Variants in KCNH8 observed in about 807,000 individuals in gnomAD.
KCNH8 encodes the protein voltage-gated delayed rectifier potassium channel KCNH8.
In KCNH8, 70 loss-of-function variants were observed where a neutral mutation model predicts 103.6. The ratio of observed to expected loss-of-function variants is 0.68; its 90% CI spans 0.56 to 0.82. The LOEUF is 0.82. Ranked by LOEUF, KCNH8 falls within the 40% of genes least tolerant of loss-of-function variation. The pLI is 0.00. For missense variants in KCNH8, 1,217 were observed against 1,329.9 expected, an observed-to-expected ratio of 0.92 and a Z score of 1.32; for synonymous variants, 498 against 489.4, an observed-to-expected ratio of 1.02 and a Z score of -0.23.
chr3:19,271,827 C>T (rs2064592616), intron 2 of KCNH8, among the ~76,000 whole-genome samples: 1 of 152,120 alleles, frequency 6.6e-6, no homozygotes, highest in African/African-American at 2.4e-5. Flanking sequence ...CATGCAACGC[C>T]ATCTAAATCC....
At chr3:19,412,663 T>G (rs1023737251) in intron 7 of KCNH8, among the ~76,000 whole-genome samples, 1 of 151,836 alleles carries the variant, frequency 6.6e-6, no homozygotes, top group Admixed American at 6.6e-5. Flanking sequence ...GTCGAAGATA[T>G]GTAAGAAAGT....
At chr3:19,472,329 G>A (rs1575107943) in intron 11 of KCNH8, among the ~76,000 whole-genome samples, 1 of 151,740 alleles carries the variant, frequency 6.6e-6, no homozygotes, top group Non-Finnish European at 1.5e-5. Context: ...TGGTGATATG[G>A]TCTGGCTCTG....
chr3:19,252,253 A>G (rs762764694), intron 1 of KCNH8, among the ~76,000 whole-genome samples: 1 of 152,256 alleles, frequency 6.6e-6, no homozygotes, highest in East Asian at 1.9e-4. Context: ...CTGAATATTG[A>G]CTGTCTCTCC....
chr3:19,148,937 A>T, intron 1 of KCNH8, 142 bp downstream of exon 1: 1 of 769,736 alleles, frequency 1.3e-6, no homozygotes. Flanking sequence ...TTGTGCGGAG[A>T]AATTTGTTCC....
At chr3:19,446,842 A>G (rs1446496747) in intron 8 of KCNH8, among the ~76,000 whole-genome samples, 3 of 151,554 alleles carry the variant, frequency 2.0e-5, no homozygotes, top group African/African-American at 7.3e-5. Flanking sequence ...AAAGGGAAAG[A>G]GAAAGAGAAA....
chr3:19,207,567 C>T (rs2063729777), intron 1 of KCNH8, among the ~76,000 whole-genome samples: 1 of 151,912 alleles, frequency 6.6e-6, no homozygotes, highest in Non-Finnish European at 1.5e-5. Context: ...AATGCTTCTT[C>T]TTTGATCACT....
chr3:19,270,576 T>C (rs1257457696), intron 2 of KCNH8, among the ~76,000 whole-genome samples: 1 of 152,142 alleles, frequency 6.6e-6, no homozygotes, highest in African/African-American at 2.4e-5. Context: ...CACCAGGTTT[T>C]GGCCTCAAGT....
At chr3:19,294,838 T>C (rs553601635) in intron 3 of KCNH8, among the ~76,000 whole-genome samples, 1 of 152,200 alleles carries the variant, frequency 6.6e-6, no homozygotes, top group Non-Finnish European at 1.5e-5. Context: ...TCATTCCATT[T>C]GAAAGAAAAA....
At chr3:19,473,718 C>A (rs2067911054) in intron 11 of KCNH8, among the ~76,000 whole-genome samples, 1 of 152,132 alleles carries the variant, frequency 6.6e-6, no homozygotes, top group African/African-American at 2.4e-5. Context: ...GTGAATGTAT[C>A]ATATTTGCCA....
At chr3:19,500,566 A>T (rs1290341828) in intron 11 of KCNH8, among the ~76,000 whole-genome samples, 1 of 152,230 alleles carries the variant, frequency 6.6e-6, no homozygotes, top group East Asian at 1.9e-4. Context: ...AAGAACAGAA[A>T]TTATAACAAA....
At chr3:19,199,867 C>T (rs769164385) in intron 1 of KCNH8, among the ~76,000 whole-genome samples, 1 of 151,776 alleles carries the variant, frequency 6.6e-6, no homozygotes, top group Non-Finnish European at 1.5e-5. Flanking sequence ...CCTTTCTATC[C>T]GTATGAACTG....
intron 10 of KCNH8, among the ~76,000 whole-genome samples, chr3:19,455,844 C>T (rs983809327): frequency 1.3e-5 from 2 of 152,030 alleles, no homozygotes; most frequent in Non-Finnish European, 2.9e-5. Context: ...AAAGTTATTG[C>T]AGACACTAGT....
At chr3:19,336,557 T>G (rs2065588129) in intron 3 of KCNH8, among the ~76,000 whole-genome samples, 1 of 151,876 alleles carries the variant, frequency 6.6e-6, no homozygotes, top group African/African-American at 2.4e-5. Flanking sequence ...GTATTAACAT[T>G]AATAACATGT....
At chr3:19,290,838 G>A (rs2125281546) in intron 3 of KCNH8, among the ~76,000 whole-genome samples, 1 of 152,228 alleles carries the variant, frequency 6.6e-6, no homozygotes, top group Admixed American at 6.5e-5. Flanking sequence ...GCTCCTCTTT[G>A]TACCTGTGGT....
chr3:19,320,370 G>C (rs952187042), intron 3 of KCNH8, among the ~76,000 whole-genome samples: 1 of 151,894 alleles, frequency 6.6e-6, no homozygotes, highest in African/African-American at 2.4e-5. Flanking sequence ...AATCATAAAG[G>C]GATGCTGGAT....
Position 19,253,616 on chromosome 3 carries a change from A to C in KCNH8, c.77-38A>C, listed in dbSNP as rs369906313. 122 of 1,423,130 alleles carry C rather than the reference A, an allele frequency of 8.6e-5. 1 individual carries two copies. The highest frequency in any genetic ancestry group is 1.2e-4 in the Non-Finnish European group (122 of 1,007,192). 88.2% of individuals were successfully genotyped at this position (1,423,130 alleles called of 1,614,324 possible). A position where few individuals can be genotyped will look rare whatever the true frequency, so the allele number is the denominator to read the frequency against. ...GAATTGTGTATAAATTCTCACACTT[A>C]TCTAGTTGCTGAGTATCTTCTCCTT... On this transcript the variant is annotated intron_variant, in intron 1 of 15. Coordinates refer to ENST00000328405, the MANE Select transcript of KCNH8 (RefSeq NM_144633.3).
At chr3:19,300,910 AT>A (rs939933519) in intron 3 of KCNH8, among the ~76,000 whole-genome samples, 2 of 151,370 alleles carry the variant, frequency 1.3e-5, no homozygotes, top group African/African-American at 4.8e-5. Context: ...CTTTTTTCTT[AT>A]TTTTTTAAAG....
At position 19,520,013 on chromosome 3, in the gene KCNH8, A is replaced by C. The variant is rs139588524; in HGVS notation, c.2619+1939A>C. Among the ~76,000 whole-genome samples, 693 of 151,986 alleles carry C rather than the reference A, an allele frequency of 4.6e-3. 4 individuals carry two copies. Among genetic ancestry groups the C allele is most frequent in the South Asian group, 0.02 (95 of 4,818 alleles). On this transcript the variant is annotated intron_variant, in intron 15 of 15. Coordinates refer to ENST00000328405, the MANE Select transcript of KCNH8 (RefSeq NM_144633.3). The stretch of plus-strand genomic sequence containing the variant: ...GTGAATCGGGTAGATCCATTAACAA[A>C]AAAAAAAAATTACCATTTTAAAAAC...
At chr3:19,342,528 A>T in intron 3 of KCNH8, 59 bp from the exon 4 acceptor site, 1 of 1,540,556 alleles carries the variant, frequency 6.5e-7, no homozygotes, top group Non-Finnish European at 8.8e-7. Flanking sequence ...TGTCAAAATG[A>T]CATTCTTGAG....
Sources: gnomAD v4.1 joint callset for allele counts (sites outside exome capture counted in the v4.1 genomes callset) on GRCh38, gnomAD v4.1.1 for gene constraint, MANE v1.5 for transcripts, NCBI Gene and HGNC (gene_info 2026-07-23, HGNC 2026-07-21) for gene names.